BCKDHB: variants seen among roughly 807,000 people sequenced by gnomAD.
The protein encoded by BCKDHB is 2-oxoisovalerate dehydrogenase subunit beta, mitochondrial.
In BCKDHB, 41 loss-of-function variants were observed where a neutral mutation model predicts 48.5. That is an observed-to-expected ratio of 0.85 (90% CI 0.66 to 1.10). The LOEUF is 1.10. Ranked by LOEUF, BCKDHB falls within the 50% of genes least tolerant of loss-of-function variation. BCKDHB has a pLI of 0.00. For synonymous variants in BCKDHB, 201 were observed against 174.8 expected (o/e 1.15, Z -1.18); for missense variants, 496 against 494.2 (o/e 1.00, Z -0.03).
At chr6:80,342,556 G>GAAAAAAAAAAAAAAAAA (rs34127398) in intron 9 of BCKDHB, among the ~76,000 whole-genome samples, 2 of 24,096 alleles carry the variant, frequency 8.3e-5, no homozygotes, top group African/African-American at 3.2e-4. Context: ...CCTCATTTCT[G>GAAAAAAAAAAAAAAAAA]AAAAAAAAAA....
intron 8 of BCKDHB, among the ~76,000 whole-genome samples, chr6:80,228,376 A>G (rs535175552): frequency 6.6e-6 from 1 of 152,356 alleles, no homozygotes; most frequent in Non-Finnish European, 1.5e-5. Flanking sequence ...AGCAGATGGT[A>G]CTCAGATAAG....
chr6:80,278,057 G>C (rs1211921630), intron 9 of BCKDHB, among the ~76,000 whole-genome samples: 1 of 152,078 alleles, frequency 6.6e-6, no homozygotes, highest in Admixed American at 6.6e-5. Flanking sequence ...ATAGGGTCTT[G>C]AATTTTTACC....
At chr6:80,399,738 A>C in the BCKDHB span, among the ~76,000 whole-genome samples, 28 of 152,152 alleles carry the variant, frequency 1.8e-4, no homozygotes, top group African/African-American at 5.8e-4. Flanking sequence ...AGAACCAGAA[A>C]AAACTATTTT....
the BCKDHB span, among the ~76,000 whole-genome samples, chr6:80,386,483 CA>C: frequency 6.6e-6 from 1 of 152,028 alleles, no homozygotes; most frequent in South Asian, 2.1e-4. Flanking sequence ...GTGAGGGCAG[CA>C]CCTGCACCTT....
chr6:80,247,455 T>C (rs546624467), intron 8 of BCKDHB, among the ~76,000 whole-genome samples: 8 of 152,326 alleles, frequency 5.3e-5, no homozygotes, highest in Admixed American at 3.9e-4. Flanking sequence ...TCCACACATA[T>C]TTATAACCGG....
intron 9 of BCKDHB, among the ~76,000 whole-genome samples, chr6:80,280,390 G>T (rs1007953017): frequency 1.3e-5 from 2 of 152,160 alleles, no homozygotes; most frequent in African/African-American, 4.8e-5. Context: ...GTTGTGTAGA[G>T]GATACACTGG....
At chr6:80,291,205 C>A (rs1162381875) in intron 9 of BCKDHB, among the ~76,000 whole-genome samples, 2 of 152,092 alleles carry the variant, frequency 1.3e-5, no homozygotes, top group Non-Finnish European at 2.9e-5. Context: ...TTTCTCCCCT[C>A]CCTTAAAAGA....
At chr6:80,281,351 GGA>G (rs1778186499) in intron 9 of BCKDHB, among the ~76,000 whole-genome samples, 1 of 152,140 alleles carries the variant, frequency 6.6e-6, no homozygotes, top group Non-Finnish European at 1.5e-5. Context: ...GAAGGGAGTA[GGA>G]GAGAGCCATT....
At position 80,108,480 on chromosome 6, in the gene BCKDHB, TC is replaced by T. The variant is rs1410058426; in HGVS notation, c.196+1592del. 2.0e-5 allele frequency among the ~76,000 whole-genome samples: 3 copies of T among 150,538 alleles called. No individual in the cohort carries two copies. In the South Asian group the frequency reaches 6.3e-4, roughly 32 times the overall value. ...TGATATCATGTTATCATGATATATATCATGATATATATAAACTTGTTCTTAT... is the reference window on the plus strand; with the variant it reads ...TGATATCATGTTATCATGATATATATATGATATATATAAACTTGTTCTTAT... On this transcript the variant is annotated intron_variant, in intron 1 of 9. Coordinates refer to ENST00000320393, the MANE Select transcript of BCKDHB (RefSeq NM_183050.4).
intron 9 of BCKDHB, among the ~76,000 whole-genome samples, chr6:80,309,173 C>G (rs1768033104): frequency 6.6e-6 from 1 of 151,868 alleles, no homozygotes; most frequent in African/African-American, 2.4e-5. Context: ...AAGTGATTCT[C>G]CTGCCTCAGC....
chr6:80,241,981 A>G (rs1184889760), intron 8 of BCKDHB, among the ~76,000 whole-genome samples: 2 of 152,150 alleles, frequency 1.3e-5, no homozygotes, highest in African/African-American at 4.8e-5. Context: ...ATACATTGCA[A>G]GTATCCTTTC....
At chr6:80,216,785 G>T (rs559021754) in intron 8 of BCKDHB, among the ~76,000 whole-genome samples, 1 of 152,216 alleles carries the variant, frequency 6.6e-6, no homozygotes, top group East Asian at 1.9e-4. Flanking sequence ...CATTAAACTG[G>T]TGCTTTTTTT....
At chr6:80,431,270 G>A in the BCKDHB span, among the ~76,000 whole-genome samples, 4 of 152,190 alleles carry the variant, frequency 2.6e-5, no homozygotes, top group African/African-American at 9.7e-5. Flanking sequence ...TAAGTGCAAT[G>A]AGTTGCTGAG....
intron 8 of BCKDHB, among the ~76,000 whole-genome samples, chr6:80,250,897 ATGATATAAAGTGCTTAG>A (rs1776812353): frequency 7.2e-5 from 11 of 152,198 alleles, no homozygotes; most frequent in Non-Finnish European, 1.3e-4. Flanking sequence ...TAATGTAATT[ATGATATAAAGTGCTTAG>A]TAGTTATAGA....
rs890103324 is a variant in BCKDHB at position 80,273,115 on chromosome 6, GTT to G, written c.952-16_952-15del. On this transcript the variant is annotated intron_variant, in intron 8 of 9. Coordinates refer to ENST00000320393, the MANE Select transcript of BCKDHB (RefSeq NM_183050.4). ...AAATAGATATTCTTTTTAACATCAG[GTT>G]TTTCTTTTCTCTTTCAGTCTGTGAT... 1.9e-6 allele frequency: 3 copies of G among 1,597,168 alleles called. No individual in the cohort carries two copies. The African/African-American group carries it at 4.0e-5, about 21-fold the overall frequency.
Position 80,127,602 on chromosome 6 carries a change from A to G in BCKDHB, c.252A>G (p.Ser84=). Residue 84 remains serine (S), a synonymous_variant, in exon 2 of 10, where the codon TCA becomes TCG. Coordinates refer to ENST00000320393, the MANE Select transcript of BCKDHB (RefSeq NM_183050.4). ...FQSVTSALDN[S]LAKDPTAVIF... ...CTGTAACAAGTGCCTTGGATAACTC[A>G]TTGGCCAAAGATCCTACTGCAGGTA... 6.2e-7 allele frequency: 1 copy of G among 1,612,068 alleles called. No individual in the cohort carries two copies. The highest frequency in any genetic ancestry group is 1.1e-5 in the South Asian group (1 of 91,036).
At chr6:80,232,897 A>G (rs1310432946) in intron 8 of BCKDHB, among the ~76,000 whole-genome samples, 1 of 151,922 alleles carries the variant, frequency 6.6e-6, no homozygotes, top group East Asian at 1.9e-4. Context: ...CTTTTAATCA[A>G]GCCATTATCT....
rs539705396 is a variant in BCKDHB at position 80,305,188 on chromosome 6, A to T, written c.1038+31967A>T. ...AGATAAACATCAATACAAATTGAAA[A>T]TAAAAACTTTAAAAAACATCAGTAT... On this transcript the variant is annotated intron_variant, in intron 9 of 9. Transcript: ENST00000320393. Among the ~76,000 whole-genome samples, 3 of 152,288 alleles carry T rather than the reference A, an allele frequency of 2.0e-5. No individual in the cohort carries two copies. In the South Asian group the frequency reaches 6.2e-4, roughly 32 times the overall value.
chr6:80,350,084 A>T (rs1770350958), downstream of BCKDHB, among the ~76,000 whole-genome samples: 1 of 152,044 alleles, frequency 6.6e-6, no homozygotes. Context: ...TTCTGACCAC[A>T]TCCTAGATCA....
Sources: gnomAD v4.1 joint callset for allele counts (sites outside exome capture counted in the v4.1 genomes callset) on GRCh38, gnomAD v4.1.1 for gene constraint, MANE v1.5 for transcripts, NCBI Gene and HGNC (gene_info 2026-07-23, HGNC 2026-07-21) for gene names.